Variants in CHRNA7 observed in about 807,000 individuals in gnomAD.
CHRNA7 encodes the protein cholinergic receptor nicotinic alpha 7 subunit, also known as neuronal acetylcholine receptor subunit alpha-7.
CHRNA7 carries 17 observed loss-of-function variants against 48.0 expected under a neutral mutation model. The ratio of observed to expected loss-of-function variants is 0.35; its 90% CI spans 0.24 to 0.53. The LOEUF (loss-of-function observed/expected upper bound fraction) is 0.53. Ranked by LOEUF, CHRNA7 falls within the 20% of genes least tolerant of loss-of-function variation. CHRNA7 has a pLI of 0.92. For synonymous variants in CHRNA7, 75 were observed against 242.3 expected (o/e 0.31, Z 6.41); for missense variants, 155 against 577.7 (o/e 0.27, Z 7.50).
chr15:32,132,567 G>A (rs1304533861), intron 4 of CHRNA7, among the ~76,000 whole-genome samples: 1 of 152,184 alleles, frequency 6.6e-6, no homozygotes, highest in African/African-American at 2.4e-5. Context: ...GAGCTGAGAA[G>A]TTCAAGATCA....
intron 2 of CHRNA7, among the ~76,000 whole-genome samples, chr15:32,055,959 A>G (rs1021907149): frequency 1.1e-4 from 17 of 152,078 alleles, no homozygotes; most frequent in African/African-American, 4.1e-4. Context: ...AGCCTGGGTG[A>G]CAGAGCGAGA....
chr15:32,036,748 A>G (rs1173408128), intron 2 of CHRNA7, among the ~76,000 whole-genome samples: 2 of 145,652 alleles, frequency 1.4e-5, no homozygotes, highest in Non-Finnish European at 3.0e-5. Context: ...GGTGTCTGTT[A>G]AGGTCTTTGG....
chr15:32,122,931 T>A (rs1158448179), intron 4 of CHRNA7, among the ~76,000 whole-genome samples: 1 of 150,678 alleles, frequency 6.6e-6, no homozygotes, highest in Non-Finnish European at 1.5e-5. Flanking sequence ...AGTAGCCTAG[T>A]AGAGGACTAC....
chr15:32,115,174 C>T (rs1273476567), intron 4 of CHRNA7, among the ~76,000 whole-genome samples: 1 of 152,126 alleles, frequency 6.6e-6, no homozygotes, highest in Non-Finnish European at 1.5e-5. Context: ...AAATCAGCAC[C>T]CCTATCTAGG....
At chr15:32,075,522 A>G (rs2050123730) in intron 2 of CHRNA7, among the ~76,000 whole-genome samples, 1 of 152,098 alleles carries the variant, frequency 6.6e-6, no homozygotes, top group Non-Finnish European at 1.5e-5. Context: ...ATCCTTTGAT[A>G]TCTGCAGGAT....
At chr15:32,056,157 T>G (rs553374814) in intron 2 of CHRNA7, among the ~76,000 whole-genome samples, 1 of 152,314 alleles carries the variant, frequency 6.6e-6, no homozygotes, top group African/African-American at 2.4e-5. Context: ...ATTCTTAATT[T>G]TAGTGTGGCC....
intron 2 of CHRNA7, among the ~76,000 whole-genome samples, chr15:32,049,659 ATTG>A (rs954980293): frequency 5.9e-5 from 9 of 152,158 alleles, no homozygotes; most frequent in African/African-American, 1.9e-4. Context: ...TGAAGTTAAT[ATTG>A]TTATGTGTGA....
At chr15:32,098,417 ACCT>A (rs368240611) in intron 2 of CHRNA7, among the ~76,000 whole-genome samples, 34 of 152,222 alleles carry the variant, frequency 2.2e-4, no homozygotes, top group African/African-American at 7.5e-4. Context: ...GCACCTGCAG[ACCT>A]ATTGCTGCCA....
At chr15:32,066,982 C>G (rs1282937945) in intron 2 of CHRNA7, among the ~76,000 whole-genome samples, 2 of 151,840 alleles carry the variant, frequency 1.3e-5, no homozygotes, top group East Asian at 3.9e-4. Context: ...TTTATCCCAT[C>G]TGAATAACTG....
chr15:32,061,924 T>G (rs1481812451), intron 2 of CHRNA7, among the ~76,000 whole-genome samples: 1 of 152,222 alleles, frequency 6.6e-6, no homozygotes, highest in African/African-American at 2.4e-5. Context: ...CATTCTGTTC[T>G]TTAAAGTAAT....
At position 32,061,674 on chromosome 15, in the gene CHRNA7, G is replaced by A. The variant is rs370973733; in HGVS notation, c.195+30637G>A. On this transcript the variant is annotated intron_variant, in intron 2 of 9. Transcript: ENST00000306901. ...AATATAGAGATTAGCCGGGCGTGGT[G>A]GCAGGTGCCTGTAGTCCCAGCTACT... is the stretch of plus-strand genomic sequence containing the variant. 3.3e-5 allele frequency among the ~76,000 whole-genome samples: 5 copies of A among 152,252 alleles called. No homozygotes were observed. In the South Asian group the frequency reaches 6.2e-4, roughly 19 times the overall value.
At chr15:32,135,935 T>G (rs2051248531) in intron 4 of CHRNA7, among the ~76,000 whole-genome samples, 1 of 152,076 alleles carries the variant, frequency 6.6e-6, no homozygotes, top group Admixed American at 6.5e-5. Flanking sequence ...GTCTTTTAAG[T>G]ATGAAAGGAA....
At chr15:32,050,641 C>G (rs951992178) in intron 2 of CHRNA7, among the ~76,000 whole-genome samples, 1 of 152,220 alleles carries the variant, frequency 6.6e-6, no homozygotes, top group African/African-American at 2.4e-5. Context: ...CTTCTTCTCT[C>G]AACTCGTCAA....
At chr15:32,125,670 G>A (rs1024858081) in intron 4 of CHRNA7, among the ~76,000 whole-genome samples, 19 of 152,122 alleles carry the variant, frequency 1.2e-4, no homozygotes, top group Admixed American at 1.0e-3. Flanking sequence ...CTTCTGATTC[G>A]ATGTTCCAAT....
At chr15:32,150,954 G>A (rs1049088016) in intron 4 of CHRNA7, among the ~76,000 whole-genome samples, 3 of 151,934 alleles carry the variant, frequency 2.0e-5, no homozygotes, top group African/African-American at 7.3e-5. Flanking sequence ...TAAGGGGGGG[G>A]GATGTGTCCT....
At chr15:32,127,247 C>T (rs76860258) in intron 4 of CHRNA7, among the ~76,000 whole-genome samples, 4 of 152,224 alleles carry the variant, frequency 2.6e-5, no homozygotes, top group Admixed American at 2.0e-4. Flanking sequence ...TTCAGTTTTT[C>T]GCTATTGCAA....
chr15:32,087,660 TGA>T (rs770405411), intron 2 of CHRNA7, among the ~76,000 whole-genome samples: 1 of 152,142 alleles, frequency 6.6e-6, no homozygotes, highest in Non-Finnish European at 1.5e-5. Flanking sequence ...CACTCTAAAG[TGA>T]GAAAACTGAT....
At chr15:32,072,575 T>C (rs557138909) in intron 2 of CHRNA7, among the ~76,000 whole-genome samples, 31 of 152,250 alleles carry the variant, frequency 2.0e-4, no homozygotes, top group African/African-American at 7.2e-4. Flanking sequence ...TCAGAAATCT[T>C]TGGGACAGAA....
intron 4 of CHRNA7, among the ~76,000 whole-genome samples, chr15:32,128,427 C>G (rs1264172519): frequency 6.6e-6 from 1 of 151,832 alleles, no homozygotes; most frequent in East Asian, 1.9e-4. Context: ...GTATGTCCCT[C>G]TTATTTCAAT....
Sources: allele counts gnomAD v4.1 joint callset (sites outside exome capture counted in the v4.1 genomes callset), GRCh38; gene constraint gnomAD v4.1.1; transcripts MANE v1.5; gene names NCBI Gene and HGNC (gene_info 2026-07-23, HGNC 2026-07-21).